MLLT10: variants seen among roughly 807,000 people sequenced by gnomAD.
MLLT10 encodes MLLT10 histone lysine methyltransferase DOT1L cofactor, also known as protein AF-10.
Under a neutral mutation model 129.1 loss-of-function variants are expected in MLLT10, and 30 were observed. That is an observed-to-expected ratio of 0.23 (90% confidence interval 0.17 to 0.32). The LOEUF (loss-of-function observed/expected upper bound fraction) is 0.32. Among genes scored for constraint, MLLT10 ranks in the 10% least tolerant of loss-of-function variants. The probability of loss-of-function intolerance (pLI) is 1.00; values close to 1 mark genes in which losing one functional copy is unlikely to be tolerated. For missense variants in MLLT10, 1,119 were observed against 1,268.3 expected (o/e 0.88, Z 1.79); for synonymous variants, 490 against 446.4 (o/e 1.10, Z -1.23).
chr10:21,610,430 G>T (rs1053062110), intron 5 of MLLT10, among the ~76,000 whole-genome samples: 7 of 152,174 alleles, frequency 4.6e-5, no homozygotes, highest in Non-Finnish European at 1.0e-4. Flanking sequence ...TGGGGATGCT[G>T]GGAGCAAGTT....
At chr10:21,537,176 T>A (rs2034184803) in intron 2 of MLLT10, among the ~76,000 whole-genome samples, 1 of 152,086 alleles carries the variant, frequency 6.6e-6, no homozygotes, top group African/African-American at 2.4e-5. Flanking sequence ...TGCCTGGTCC[T>A]ACAAATGTTT....
At chr10:21,578,552 T>TA (rs2041034336) in intron 3 of MLLT10, among the ~76,000 whole-genome samples, 2 of 152,332 alleles carry the variant, frequency 1.3e-5, no homozygotes, top group South Asian at 2.1e-4. Flanking sequence ...CCTAAAGACT[T>TA]ACCTCCTATG....
At chr10:21,690,907 G>T (rs1490991264) in intron 13 of MLLT10, among the ~76,000 whole-genome samples, 4 of 151,938 alleles carry the variant, frequency 2.6e-5, no homozygotes, top group Non-Finnish European at 5.9e-5. Flanking sequence ...ACTTTTGTCA[G>T]TATACCTAGA....
intron 11 of MLLT10, among the ~76,000 whole-genome samples, chr10:21,679,872 T>G (rs956316978): frequency 7.9e-5 from 12 of 152,216 alleles, no homozygotes; most frequent in African/African-American, 2.9e-4. Context: ...TTTTGGATTT[T>G]GGGGCTATGT....
intron 13 of MLLT10, among the ~76,000 whole-genome samples, chr10:21,701,508 G>A (rs542121537): frequency 1.4e-4 from 21 of 151,792 alleles, no homozygotes; most frequent in South Asian, 2.1e-4. Flanking sequence ...GGCATGTTGC[G>A]TTTCCATTTT....
rs1490436981 is a variant in MLLT10 at position 21,697,770 on chromosome 10, T to C, written c.1699+15513T>C. On this transcript the variant is annotated intron_variant, in intron 13 of 22. Transcript: ENST00000307729. Reference sequence around the variant, plus strand: ...TGAATGGATTAATTCTATGGAGATATATTCTACAGTCTAGAAAGGGAAAGC... The same window carrying C: ...TGAATGGATTAATTCTATGGAGATACATTCTACAGTCTAGAAAGGGAAAGC... Among the ~76,000 whole-genome samples, 3 of 152,206 alleles carry C rather than the reference T, an allele frequency of 2.0e-5. No homozygotes were observed. In the East Asian group the frequency reaches 5.8e-4, roughly 29 times the overall value.
chr10:21,665,126 A>C (rs893134207), intron 9 of MLLT10, among the ~76,000 whole-genome samples: 3 of 151,042 alleles, frequency 2.0e-5, no homozygotes, highest in Non-Finnish European at 2.9e-5. Flanking sequence ...TTGTATTCTT[A>C]GTAGAGACGG....
Position 21,625,405 on chromosome 10 carries a change from G to C in MLLT10, c.699+8198G>C, listed in dbSNP as rs1035742381. 4 of 815,974 alleles carry C rather than the reference G, an allele frequency of 4.9e-6. No homozygotes were observed. The African/African-American group carries it at 6.8e-5, about 14-fold the overall frequency. The allele number at this position is 815,974 out of a possible 1,614,324, so 50.5% of individuals were successfully genotyped here. A position where few individuals can be genotyped will look rare whatever the true frequency, so the allele number is the denominator to read the frequency against. On this transcript the variant is annotated intron_variant, in intron 8 of 22. Coordinates refer to ENST00000307729, the MANE Select transcript of MLLT10 (RefSeq NM_001195626.3). Reference sequence around the variant, plus strand: ...CAGAAAATGACTTTTCCAATATTTCGTCTGTGCCCAAGTTTCTCACAAAGA... The same window carrying C: ...CAGAAAATGACTTTTCCAATATTTCCTCTGTGCCCAAGTTTCTCACAAAGA...
At chr10:21,682,135 T>G (rs1284586697) in intron 12 of MLLT10, 90 bp from the exon 13 acceptor site, 3 of 1,054,106 alleles carry the variant, frequency 2.8e-6, no homozygotes, top group Non-Finnish European at 4.1e-6. Context: ...TACTGAAATT[T>G]TATTATACTA....
At chr10:21,665,366 G>T (rs1308498304) in intron 9 of MLLT10, among the ~76,000 whole-genome samples, 5 of 147,502 alleles carry the variant, frequency 3.4e-5, no homozygotes, top group Admixed American at 2.7e-4. Flanking sequence ...TTGGCTTACC[G>T]CAACCTCCGC....
intron 3 of MLLT10, chr10:21,556,614 A>C: frequency 6.4e-7 from 1 of 1,568,474 alleles, no homozygotes; most frequent in South Asian, 1.1e-5. Flanking sequence ...GTATGTAGTG[A>C]ATAAGGGATT....
At chr10:21,710,954 T>C (rs2131507063) in intron 13 of MLLT10, among the ~76,000 whole-genome samples, 1 of 152,260 alleles carries the variant, frequency 6.6e-6, no homozygotes, top group South Asian at 2.1e-4. Flanking sequence ...TGCTTAAGAG[T>C]CATTGGTGAC....
chr10:21,637,397 G>C (rs967305737), intron 8 of MLLT10, among the ~76,000 whole-genome samples: 1 of 152,140 alleles, frequency 6.6e-6, no homozygotes, highest in East Asian at 1.9e-4. Flanking sequence ...CCTGTTTTTC[G>C]ATGGTGGGAT....
chr10:21,722,971 T>C (rs559363248), intron 14 of MLLT10, among the ~76,000 whole-genome samples: 2 of 152,224 alleles, frequency 1.3e-5, no homozygotes, highest in Non-Finnish European at 2.9e-5. Flanking sequence ...TTAATAACTT[T>C]TAATTTCTCT....
intron 7 of MLLT10, among the ~76,000 whole-genome samples, chr10:21,615,492 T>C (rs1209323721): frequency 7.4e-6 from 1 of 135,900 alleles, no homozygotes; most frequent in Non-Finnish European, 1.6e-5. Context: ...AAAAAGAAAA[T>C]ATATAAATAT....
At chr10:21,668,607 T>C (rs889663059) in intron 9 of MLLT10, among the ~76,000 whole-genome samples, 6 of 152,138 alleles carry the variant, frequency 3.9e-5, no homozygotes, top group Non-Finnish European at 8.8e-5. Context: ...AGTTTTAATA[T>C]GATTTTTTGT....
At chr10:21,614,982 A>T in intron 7 of MLLT10, 58 bp downstream of exon 7, 1 of 1,367,364 alleles carries the variant, frequency 7.3e-7, no homozygotes. Context: ...CAATAGAATG[A>T]CACTGTTTTA....
At chr10:21,671,248 C>A (rs906648085) in intron 10 of MLLT10, among the ~76,000 whole-genome samples, 1 of 152,216 alleles carries the variant, frequency 6.6e-6, no homozygotes, top group Non-Finnish European at 1.5e-5. Context: ...AACTGCTGAT[C>A]TCAGGTGATC....
In MLLT10 at chr10:21,742,971, G is replaced by C. The variant is rs1833861938; in HGVS notation, c.*988G>C. 1 of 229,548 alleles carries C rather than the reference G, an allele frequency of 4.4e-6. No individual in the cohort carries two copies. Among genetic ancestry groups the C allele is most frequent in the Admixed American group, 5.7e-5 (1 of 17,658 alleles). The allele number at this position is 229,548 out of a possible 1,614,324, so 14.2% of individuals were successfully genotyped here. ...ATCCACTAATGAGTCACAAGAAAAG[G>C]AGTGGATTTGGTAAGAATAGAGATT... On this transcript the variant is annotated 3_prime_UTR_variant, in exon 23 of 23. Transcript: ENST00000307729.
Sources: gnomAD v4.1 joint callset for allele counts (sites outside exome capture counted in the v4.1 genomes callset) on GRCh38, gnomAD v4.1.1 for gene constraint, MANE v1.5 for transcripts, NCBI Gene and HGNC (gene_info 2026-07-23, HGNC 2026-07-21) for gene names.